Variants in DDAH1 observed in about 807,000 individuals in gnomAD.
DDAH1 encodes the protein dimethylarginine dimethylaminohydrolase 1.
Under a neutral mutation model 28.8 loss-of-function variants are expected in DDAH1, and 19 were observed. That is an observed-to-expected ratio of 0.66 (90% CI 0.46 to 0.97). DDAH1 has a LOEUF of 0.97. Ranked by LOEUF, DDAH1 falls within the 50% of genes least tolerant of loss-of-function variation. The pLI is 0.00. For missense variants in DDAH1, 326 were observed against 375.9 expected, an observed-to-expected ratio of 0.87 and a Z score of 1.10; for synonymous variants, 153 against 154.4, an observed-to-expected ratio of 0.99 and a Z score of 0.07.
intron 1 of DDAH1, among the ~76,000 whole-genome samples, chr1:85,521,120 C>T (rs1381114713): frequency 6.6e-6 from 1 of 152,206 alleles, no homozygotes; most frequent in Non-Finnish European, 1.5e-5. Context: ...AAATATCCCA[C>T]TTCATGTCAT....
intron 1 of DDAH1, among the ~76,000 whole-genome samples, chr1:85,461,780 G>A (rs480414): frequency 0.31 from 47,786 of 152,040 alleles, 7,639 homozygotes; most frequent in South Asian, 0.42. Context: ...GATACAGAAC[G>A]GTAAACAGGC....
At chr1:85,546,824 A>G (rs1658642006) in intron 1 of DDAH1, among the ~76,000 whole-genome samples, 1 of 152,198 alleles carries the variant, frequency 6.6e-6, no homozygotes, top group Non-Finnish European at 1.5e-5. Context: ...TAAAAAAAGA[A>G]GAAATAAATA....
chr1:85,485,049 T>A (rs948007551), intron 2 of DDAH1, among the ~76,000 whole-genome samples: 1 of 152,252 alleles, frequency 6.6e-6, no homozygotes, highest in Non-Finnish European at 1.5e-5. Context: ...TATTTTTTGA[T>A]GTTAAACTCA....
At position 85,366,314 on chromosome 1, in the gene DDAH1, T is replaced by G. The variant is rs574249850; in HGVS notation, c.304-7467A>C. Reference sequence around the variant, plus strand: ...ACCATTTAGCTCATTTTCCCTCTTATTGAACTTTTGTTATAACTTTTACAT... The same window carrying G: ...ACCATTTAGCTCATTTTCCCTCTTAGTGAACTTTTGTTATAACTTTTACAT... On this transcript the variant is annotated intron_variant, in intron 1 of 5. Coordinates refer to ENST00000284031, the MANE Select transcript of DDAH1 (RefSeq NM_012137.4). 2.6e-5 allele frequency among the ~76,000 whole-genome samples: 4 copies of G among 152,310 alleles called. No individual in the cohort carries two copies. The East Asian group carries it at 5.8e-4, about 22-fold the overall frequency.
chr1:85,477,033 C>T (rs986797215), intron 2 of DDAH1, among the ~76,000 whole-genome samples: 5 of 152,002 alleles, frequency 3.3e-5, no homozygotes, highest in Admixed American at 2.0e-4. Flanking sequence ...TGTATAATAA[C>T]GTAAATCCCA....
At chr1:85,400,552 C>T (rs916396294) in intron 1 of DDAH1, among the ~76,000 whole-genome samples, 1 of 151,982 alleles carries the variant, frequency 6.6e-6, no homozygotes, top group African/African-American at 2.4e-5. Context: ...AGTTTACTTT[C>T]TATAATATTG....
Position 85,513,975 on chromosome 1 carries a change from C to G in DDAH1, c.-122-17694G>C, listed in dbSNP as rs530801841. On this transcript the variant is annotated intron_variant, in intron 1 of 6. Coordinates refer to the DDAH1 transcript ENST00000426972. The stretch of plus-strand genomic sequence containing the variant: ...CCTCAAGGATCTAGAATTAGAATTA[C>G]CATTTGACCCAGCAATCCCATTGCT... 3.3e-5 allele frequency among the ~76,000 whole-genome samples: 5 copies of G among 152,262 alleles called. No homozygotes were observed. The South Asian group carries it at 8.3e-4, about 25-fold the overall frequency.
At chr1:85,491,739 T>C (rs1474247292) in intron 2 of DDAH1, among the ~76,000 whole-genome samples, 2 of 152,154 alleles carry the variant, frequency 1.3e-5, no homozygotes, top group Non-Finnish European at 2.9e-5. Context: ...AGGTGCCCAA[T>C]AAACATATAT....
intron 4 of DDAH1, among the ~76,000 whole-genome samples, chr1:85,342,851 A>G (rs1436957015): frequency 1.3e-5 from 2 of 152,244 alleles, no homozygotes; most frequent in African/African-American, 4.8e-5. Context: ...TAAAAAATGC[A>G]GATGCCTGGG....
intron 1 of DDAH1, chr1:85,577,866 A>G: frequency 1.5e-6 from 1 of 645,482 alleles, no homozygotes; most frequent in African/African-American, 2.0e-5. Flanking sequence ...ATTGCAATCC[A>G]AGGCAGCCCA....
At chr1:85,573,014 T>C (rs1257087717) in intron 1 of DDAH1, among the ~76,000 whole-genome samples, 44 of 152,240 alleles carry the variant, frequency 2.9e-4, no homozygotes, top group Admixed American at 6.5e-5. Flanking sequence ...AGAATAAGAC[T>C]AGCTCATTCT....
intron 1 of DDAH1, among the ~76,000 whole-genome samples, chr1:85,405,788 GCAAGAAAGAATGC>G (rs1652375126): frequency 6.6e-6 from 1 of 152,190 alleles, no homozygotes; most frequent in African/African-American, 2.4e-5. Context: ...TTGTTTCTCT[GCAAGAAAGAATGC>G]CAAGGTGCAA....
chr1:85,324,128 G>C (rs1298882035), intron 5 of DDAH1, among the ~76,000 whole-genome samples: 2 of 150,354 alleles, frequency 1.3e-5, no homozygotes, highest in East Asian at 4.0e-4. Context: ...AAATTAGCCA[G>C]GTTGTGGTGG....
intron 1 of DDAH1, among the ~76,000 whole-genome samples, chr1:85,441,053 C>G (rs1420871504): frequency 6.6e-6 from 1 of 152,224 alleles, no homozygotes; most frequent in African/African-American, 2.4e-5. Flanking sequence ...CAGATAAATG[C>G]TGAAATTTTT....
chr1:85,513,531 C>T (rs528318819), intron 1 of DDAH1, among the ~76,000 whole-genome samples: 14 of 152,146 alleles, frequency 9.2e-5, no homozygotes, highest in South Asian at 6.2e-4. Context: ...AGCTTCTGCA[C>T]GACAAAAGAA....
chr1:85,556,364 G>A (rs1013931011), intron 1 of DDAH1, among the ~76,000 whole-genome samples: 1 of 152,160 alleles, frequency 6.6e-6, no homozygotes, highest in South Asian at 2.1e-4. Flanking sequence ...TAGGATTAAT[G>A]TATGAGGTAG....
intron 1 of DDAH1, among the ~76,000 whole-genome samples, chr1:85,539,506 C>A (rs560288059): frequency 5.9e-5 from 9 of 152,146 alleles, no homozygotes; most frequent in African/African-American, 2.2e-4. Flanking sequence ...CAGTGTTTCC[C>A]AGATCAAACA....
In DDAH1 at chr1:85,464,748, T is replaced by C. The variant is rs1311400103; in HGVS notation, c.298A>G (p.Lys100Glu). The C allele has an allele frequency of 6.5e-7, 1 of 1,539,594 alleles. No individual in the cohort carries two copies. The highest frequency in any genetic ancestry group is 8.7e-7 in the Non-Finnish European group (1 of 1,149,278). Residue 100 changes from lysine (K) to glutamate (E), a missense_variant, in exon 1 of 6, where the codon AAG becomes GAG. By Grantham distance (56) the Lys-to-Glu change is moderately conservative. Coordinates refer to ENST00000284031, the MANE Select transcript of DDAH1 (RefSeq NM_012137.4). This position sits in a 1 kb window ranked among gnomAD's most constrained non-coding sequence, Gnocchi z 4.4. ...ITRPGAPSRR[K>E]EVDMMKEALE... ...CCCCTCGAGTCGGCAGTTACCTCCT[T>C]CCTCCGGCTCGGCGCCCCGGGTCGG... is the stretch of plus-strand genomic sequence containing the variant.
At chr1:85,322,484 A>G (rs1260510428) in intron 5 of DDAH1, among the ~76,000 whole-genome samples, 1 of 152,226 alleles carries the variant, frequency 6.6e-6, no homozygotes, top group Non-Finnish European at 1.5e-5. Context: ...GTACTGCCTA[A>G]TAACAATCTC....
Sources: gnomAD v4.1 joint callset for allele counts (sites outside exome capture counted in the v4.1 genomes callset) on GRCh38, gnomAD v4.1.1 for gene constraint, Gnocchi (gnomAD v3.1) non-coding constraint, MANE v1.5 for transcripts, NCBI Gene and HGNC (gene_info 2026-07-23, HGNC 2026-07-21) for gene names.